Variants in TEC observed in about 807,000 individuals in gnomAD.
TEC encodes tec protein tyrosine kinase, also known as tyrosine-protein kinase Tec.
A neutral mutation model predicts 93.0 loss-of-function variants in TEC; 72 were observed. That is an observed-to-expected ratio of 0.77 (90% CI 0.64 to 0.94). TEC has a LOEUF of 0.94. Ranked by LOEUF, TEC falls within the 40% of genes least tolerant of loss-of-function variation. The pLI, the probability that TEC is intolerant of heterozygous loss-of-function variation, is 0.00. For missense variants in TEC, 630 were observed against 757.9 expected (o/e 0.83, Z 1.98); for synonymous variants, 249 against 247.7 (o/e 1.01, Z -0.05).
At chr4:48,180,839 T>C (rs560854371) in intron 2 of TEC, among the ~76,000 whole-genome samples, 3 of 152,318 alleles carry the variant, frequency 2.0e-5, no homozygotes, top group Admixed American at 1.3e-4. Flanking sequence ...TTTAAAAATA[T>C]AATGATTAAC....
chr4:48,215,844 C>G (rs2664026), intron 2 of TEC, among the ~76,000 whole-genome samples: 24,120 of 152,026 alleles, frequency 0.16, 2,886 homozygotes, highest in African/African-American at 0.32. Flanking sequence ...AGGCAGTGCA[C>G]TCAGAGAGCA....
intron 2 of TEC, among the ~76,000 whole-genome samples, chr4:48,223,709 G>A (rs975177376): frequency 1.3e-5 from 2 of 152,308 alleles, no homozygotes; most frequent in Admixed American, 6.5e-5. Context: ...TGTTTACAAG[G>A]CTGATCCTTG....
intron 5 of TEC, 89 bp from the exon 6 acceptor site, chr4:48,168,715 A>T: frequency 7.3e-7 from 1 of 1,367,542 alleles, no homozygotes; most frequent in Non-Finnish European, 1.0e-6. Context: ...GGAAAAGTGG[A>T]AGTTAACACA....
At chr4:48,176,898 GCT>G (rs1160492891) in intron 2 of TEC, among the ~76,000 whole-genome samples, 2 of 152,206 alleles carry the variant, frequency 1.3e-5, no homozygotes, top group Non-Finnish European at 2.9e-5. Context: ...CTTCCAGCCA[GCT>G]CTGTTTTCCC....
At chr4:48,231,456 G>T (rs1013195022) in intron 1 of TEC, among the ~76,000 whole-genome samples, 1 of 152,162 alleles carries the variant, frequency 6.6e-6, no homozygotes, top group Non-Finnish European at 1.5e-5. Flanking sequence ...GGGTGAAAAT[G>T]ACTACTTATA....
chr4:48,255,577 A>G (rs139408906), intron 1 of TEC, among the ~76,000 whole-genome samples: 2 of 152,260 alleles, frequency 1.3e-5, no homozygotes, highest in African/African-American at 2.4e-5. Flanking sequence ...AGATAACCAA[A>G]AGGGCACTTG....
intron 7 of TEC, 65 bp downstream of exon 7, chr4:48,167,713 C>A (rs1176530302): frequency 6.8e-7 from 1 of 1,480,026 alleles, no homozygotes; most frequent in East Asian, 2.3e-5. Flanking sequence ...GACTTATCTA[C>A]TTCTCACTCA....
chr4:48,173,155 C>A (rs76308190), intron 3 of TEC, among the ~76,000 whole-genome samples: 1 of 151,896 alleles, frequency 6.6e-6, no homozygotes, highest in Admixed American at 6.6e-5. Flanking sequence ...GATATTTAAC[C>A]CCCAAATATC....
At chr4:48,181,085 G>C (rs78070781) in intron 2 of TEC, among the ~76,000 whole-genome samples, 1 of 152,100 alleles carries the variant, frequency 6.6e-6, no homozygotes, top group Admixed American at 6.5e-5. Flanking sequence ...CAGGAAACAC[G>C]GACACCATGA....
chr4:48,262,220 G>A lies in TEC; in HGVS notation c.-46+7532C>T, dbSNP rs1443198801. ...ATGTCTCTTTTTTTTTTTTTGAGAC[G>A]GAGTCTTGCTCTGTTGCCCAGGCTG... On this transcript the variant is annotated intron_variant, in intron 1 of 17. Coordinates refer to ENST00000381501, the MANE Select transcript of TEC (RefSeq NM_003215.3). Among the ~76,000 whole-genome samples, 5 of 2,778 alleles carry A rather than the reference G, an allele frequency of 1.8e-3. No individual in the cohort carries two copies. In the Admixed American group the frequency reaches 0.08, roughly 44 times the overall value. 1.8% of individuals were successfully genotyped at this position (2,778 alleles called of 152,430 possible). A position where few individuals can be genotyped will look rare whatever the true frequency, so the allele number is the denominator to read the frequency against.
chr4:48,242,721 A>T (rs1346474113), intron 1 of TEC, among the ~76,000 whole-genome samples: 1 of 152,220 alleles, frequency 6.6e-6, no homozygotes, highest in Non-Finnish European at 1.5e-5. Context: ...AGAAGCTCAG[A>T]GATACTATCT....
chr4:48,177,998 G>A (rs4504220), intron 2 of TEC, among the ~76,000 whole-genome samples: 57,657 of 151,950 alleles, frequency 0.38, 11,958 homozygotes, highest in East Asian at 0.9. Flanking sequence ...TTTATAAATT[G>A]CCCAGTCTTT....
chr4:48,181,736 G>A (rs760644848), intron 2 of TEC, among the ~76,000 whole-genome samples: 1 of 151,948 alleles, frequency 6.6e-6, no homozygotes, highest in African/African-American at 2.4e-5. Flanking sequence ...TTCACCATAG[G>A]GAACAGAGAG....
chr4:48,236,744 A>G (rs1460836526), intron 1 of TEC, among the ~76,000 whole-genome samples: 1 of 152,236 alleles, frequency 6.6e-6, no homozygotes, highest in African/African-American at 2.4e-5. Flanking sequence ...TGAGGTAGAC[A>G]ACAGAAACTG....
chr4:48,144,882 T>C (rs1427881585), intron 14 of TEC, among the ~76,000 whole-genome samples, 197 bp downstream of exon 14: 2 of 152,216 alleles, frequency 1.3e-5, no homozygotes, highest in Non-Finnish European at 2.9e-5. Context: ...TTGGAGATAT[T>C]AACTAAGTAA....
chr4:48,209,307 A>G (rs1722816579), intron 2 of TEC, among the ~76,000 whole-genome samples: 1 of 152,182 alleles, frequency 6.6e-6, no homozygotes, highest in Non-Finnish European at 1.5e-5. Context: ...GACGTAGCAG[A>G]GTATAATGGT....
chr4:48,140,576 G>A (rs555943567), intron 15 of TEC, among the ~76,000 whole-genome samples: 28 of 152,268 alleles, frequency 1.8e-4, no homozygotes, highest in Non-Finnish European at 2.8e-4. Context: ...TACAGTCCCC[G>A]TGACAACTAC....
chr4:48,138,669 T>C lies in TEC; in HGVS notation c.1808A>G (p.Gln603Arg). The C allele has an allele frequency of 6.2e-7, 1 of 1,601,980 alleles. No homozygotes were observed. Among genetic ancestry groups the C allele is most frequent in the Non-Finnish European group, 8.5e-7 (1 of 1,176,108 alleles). The change falls in exon 17 of 18, where the codon CAG (glutamine) becomes CGG (arginine). Residue 603 changes from glutamine to arginine, a missense_variant. Physicochemically the swap from Gln to Arg is conservative, Grantham distance 43 (BLOSUM62 1). Around this residue, in one of 3 missense-constraint regions of TEC, gnomAD observed 289 missense variants for 390.0 expected, o/e 0.74. Transcript: ENST00000381501. ...YVYEVMLRCW[Q>R]EKPEGRPSFE... ...AAGCACACAAAAAATCTATACCTCC[T>C]GCCAACATCTCAGCATCACCTCATA...
intron 14 of TEC, 107 bp from the exon 15 acceptor site, chr4:48,141,526 G>T (rs1357509147): frequency 9.1e-7 from 1 of 1,095,096 alleles, no homozygotes; most frequent in Non-Finnish European, 1.3e-6. Flanking sequence ...GTCAACATTT[G>T]CAGAGAGTGG....
Sources: gnomAD v4.1 joint callset for allele counts (sites outside exome capture counted in the v4.1 genomes callset) on GRCh38, gnomAD v4.1.1 for gene constraint, gnomAD v4.1.1 regional missense constraint, MANE v1.5 for transcripts, NCBI Gene and HGNC (gene_info 2026-07-23, HGNC 2026-07-21) for gene names.